CSMD1: variants seen among roughly 807,000 people sequenced by gnomAD.
The protein encoded by CSMD1 is CUB and sushi domain-containing protein 1.
In CSMD1, 213 loss-of-function variants were observed where a neutral mutation model predicts 417.5. The observed-to-expected ratio is 0.51, with a 90% CI of 0.46 to 0.57. The LOEUF (loss-of-function observed/expected upper bound fraction) is 0.57, where lower values mean the gene tolerates loss of function less well. CSMD1 is among the 20% of genes least tolerant of loss of function. The pLI is 0.00. For synonymous variants in CSMD1, 2,862 were observed against 1,736.8 expected (o/e 1.65, Z -16.11); for missense variants, 6,923 against 4,529.7 (o/e 1.53, Z -15.17).
intron 1 of CSMD1, among the ~76,000 whole-genome samples, chr8:4,778,803 C>T (rs1797004944): frequency 6.6e-6 from 1 of 152,126 alleles, no homozygotes; most frequent in Non-Finnish European, 1.5e-5. Context: ...ATTAGGGCTG[C>T]TTAGAATAGC....
At position 4,279,970 on chromosome 8, in the gene CSMD1, G is replaced by A. The variant is rs953178252; in HGVS notation, c.415+139983C>T. Among the ~76,000 whole-genome samples, 5 of 152,192 alleles carry A rather than the reference G, an allele frequency of 3.3e-5. 1 individual carries two copies. Among genetic ancestry groups the A allele is most frequent in the Admixed American group, 2.6e-4 (4 of 15,282 alleles). The stretch of plus-strand genomic sequence containing the variant: ...AGTACATAGGGGCAAGAACATCAAA[G>A]GATACTGGTGTTTCAAACAGAAACA... On this transcript the variant is annotated intron_variant, in intron 3 of 69. Transcript: ENST00000635120.
At chr8:3,929,625 G>A (rs929652344) in intron 5 of CSMD1, among the ~76,000 whole-genome samples, 1 of 150,064 alleles carries the variant, frequency 6.7e-6, no homozygotes, top group African/African-American at 2.5e-5. Context: ...TTAAAAGGAA[G>A]AGTATATTGT....
chr8:3,096,630 A>G (rs1386549393), intron 47 of CSMD1, among the ~76,000 whole-genome samples: 1 of 152,184 alleles, frequency 6.6e-6, no homozygotes, highest in Non-Finnish European at 1.5e-5. Flanking sequence ...AGCAGCATGA[A>G]AATGGACTAA....
intron 3 of CSMD1, among the ~76,000 whole-genome samples, chr8:4,040,623 T>C (rs1161162342): frequency 1.3e-5 from 2 of 152,178 alleles, no homozygotes; most frequent in Admixed American, 6.5e-5. Flanking sequence ...CTTACGATGT[T>C]TTCTTAGGTA....
intron 10 of CSMD1, among the ~76,000 whole-genome samples, chr8:3,508,457 G>C (rs1277354475): frequency 6.6e-6 from 1 of 151,666 alleles, no homozygotes; most frequent in Non-Finnish European, 1.5e-5. Context: ...GTATACATAT[G>C]TAACAAACCT....
Position 4,426,034 on chromosome 8 carries a change from G to C in CSMD1, c.303-5969C>G, listed in dbSNP as rs569983209. Reference sequence around the variant, plus strand: ...TAAAATGTGTTTTCCAAATCTCCAAGGGATTATGAAATTTTACTGAAGAAA... The same window carrying C: ...TAAAATGTGTTTTCCAAATCTCCAACGGATTATGAAATTTTACTGAAGAAA... On this transcript the variant is annotated intron_variant, in intron 2 of 69. Coordinates refer to ENST00000635120, the MANE Select transcript of CSMD1 (RefSeq NM_033225.6). 4.6e-5 allele frequency among the ~76,000 whole-genome samples: 7 copies of C among 151,634 alleles called. No individual in the cohort carries two copies. The South Asian group carries it at 1.5e-3, about 32-fold the overall frequency.
intron 5 of CSMD1, among the ~76,000 whole-genome samples, chr8:3,855,981 C>G (rs13265637): frequency 4.6e-5 from 7 of 151,910 alleles, no homozygotes; most frequent in Non-Finnish European, 1.0e-4. Flanking sequence ...TGATATCTGT[C>G]AGTATTAATC....
intron 1 of CSMD1, among the ~76,000 whole-genome samples, chr8:4,824,811 G>T (rs1290626510): frequency 6.6e-6 from 1 of 152,148 alleles, no homozygotes; most frequent in Non-Finnish European, 1.5e-5. Context: ...CGGAGGAAAT[G>T]ACCAGGTATA....
At chr8:4,814,058 T>C (rs981362893) in intron 1 of CSMD1, among the ~76,000 whole-genome samples, 2 of 152,264 alleles carry the variant, frequency 1.3e-5, no homozygotes, top group Admixed American at 1.3e-4. Context: ...ACAGTTTTGA[T>C]GGCAATAACC....
intron 1 of CSMD1, among the ~76,000 whole-genome samples, chr8:4,711,819 G>A (rs544158680): frequency 6.6e-6 from 1 of 152,026 alleles, no homozygotes; most frequent in African/African-American, 2.4e-5. Context: ...AAAAGGTCCC[G>A]AACCAAGTAG....
At chr8:4,824,850 C>G (rs187738748) in intron 1 of CSMD1, among the ~76,000 whole-genome samples, 2 of 152,232 alleles carry the variant, frequency 1.3e-5, no homozygotes, top group African/African-American at 4.8e-5. Context: ...CAATCTGTAT[C>G]TCCAAGTGAA....
intron 5 of CSMD1, among the ~76,000 whole-genome samples, chr8:3,840,794 C>T (rs1197495896): frequency 6.7e-6 from 1 of 150,136 alleles, no homozygotes; most frequent in Non-Finnish European, 1.5e-5. Flanking sequence ...CTCCTGGGTT[C>T]AAGCAATTCT....
chr8:4,841,717 C>T (rs1017856459), intron 1 of CSMD1, among the ~76,000 whole-genome samples: 3 of 151,712 alleles, frequency 2.0e-5, no homozygotes, highest in African/African-American at 7.3e-5. Flanking sequence ...TGGAGACAAG[C>T]CTGACCAACA....
intron 49 of CSMD1, among the ~76,000 whole-genome samples, chr8:3,084,236 T>A (rs138341900): frequency 0.013 from 2,033 of 152,148 alleles, 21 homozygotes; most frequent in South Asian, 0.032. Flanking sequence ...AAGATCTACA[T>A]TCTAGAGCTG....
chr8:3,332,862 GTGACT>G (rs2117550610), intron 23 of CSMD1, among the ~76,000 whole-genome samples: 1 of 152,300 alleles, frequency 6.6e-6, no homozygotes, highest in Admixed American at 6.5e-5. Flanking sequence ...GGCACAGTCT[GTGACT>G]TGAGCTGACA....
intron 36 of CSMD1, among the ~76,000 whole-genome samples, chr8:3,184,340 T>C (rs530834171): frequency 6.6e-6 from 1 of 152,214 alleles, no homozygotes; most frequent in Non-Finnish European, 1.5e-5. Flanking sequence ...ATACTAGTTA[T>C]TCTCTGACTT....
intron 5 of CSMD1, among the ~76,000 whole-genome samples, chr8:3,775,751 G>C (rs1348004510): frequency 1.3e-5 from 2 of 152,216 alleles, no homozygotes; most frequent in South Asian, 2.1e-4. Context: ...CTATAAACTT[G>C]TTTTACTGCC....
chr8:4,265,083 C>G lies in CSMD1; in HGVS notation c.415+154870G>C, dbSNP rs146623403. On this transcript the variant is annotated intron_variant, in intron 3 of 69. Coordinates refer to ENST00000635120, the MANE Select transcript of CSMD1 (RefSeq NM_033225.6). ...ACAAAGGCTGCTCCTTATATAGAAT[C>G]ATCATATTCAGAGCTCTTCAAATTA... Among the ~76,000 whole-genome samples the G allele has an allele frequency of 3.6e-3, 555 of 152,198 alleles. 2 individuals carry two copies. Among genetic ancestry groups the G allele is most frequent in the African/African-American group, 0.013 (530 of 41,532 alleles).
At chr8:3,877,980 A>C (rs1033674127) in intron 5 of CSMD1, among the ~76,000 whole-genome samples, 1 of 151,888 alleles carries the variant, frequency 6.6e-6, no homozygotes, top group Non-Finnish European at 1.5e-5. Flanking sequence ...TTTTTTTTAA[A>C]CTTAAACTGA....
Sources: allele counts gnomAD v4.1 joint callset (sites outside exome capture counted in the v4.1 genomes callset), GRCh38; gene constraint gnomAD v4.1.1; transcripts MANE v1.5; gene names NCBI Gene and HGNC (gene_info 2026-07-23, HGNC 2026-07-21).